Variants in DISP1 observed in about 807,000 individuals in gnomAD.
DISP1 encodes the protein protein dispatched homolog 1.
In DISP1, 30 loss-of-function variants were observed where a neutral mutation model predicts 37.3. The observed-to-expected ratio is 0.80, with a 90% CI of 0.60 to 1.09. DISP1 has a LOEUF of 1.09. DISP1 is among the 50% of genes least tolerant of loss of function. The probability of loss-of-function intolerance (pLI) is 0.00; values close to 1 mark genes in which losing one functional copy is unlikely to be tolerated. For synonymous variants in DISP1, 634 were observed against 690.2 expected (o/e 0.92, Z 1.28); for missense variants, 1,598 against 1,879.5 (o/e 0.85, Z 2.77).
intron 1 of DISP1, among the ~76,000 whole-genome samples, chr1:222,927,806 G>C (rs1431573006): frequency 6.6e-6 from 1 of 152,106 alleles, no homozygotes; most frequent in Non-Finnish European, 1.5e-5. Context: ...CATCATGAGG[G>C]CCATATGTTT....
intron 3 of DISP1, among the ~76,000 whole-genome samples, chr1:222,977,059 C>T (rs576214462): frequency 1.3e-5 from 2 of 152,094 alleles, no homozygotes; most frequent in Non-Finnish European, 2.9e-5. Flanking sequence ...GACGGAGTTT[C>T]GCTCTTATTG....
At chr1:222,909,918 A>G (rs991183959) in intron 1 of DISP1, among the ~76,000 whole-genome samples, 2 of 152,052 alleles carry the variant, frequency 1.3e-5, no homozygotes, top group African/African-American at 4.8e-5. Flanking sequence ...AGACACTAAA[A>G]CGTTAGCTGC....
rs766247722 is a variant in DISP1, at chr1:223,005,411, G to A, written c.4014G>A (p.Leu1338=). ...CGCACATCCACCACTGTCCCTGCCTGCAGGGCAGAGTAAAGCCAGCCGGAA... is the reference window on the plus strand; with the variant it reads ...CGCACATCCACCACTGTCCCTGCCTACAGGGCAGAGTAAAGCCAGCCGGAA... ...PITHIHHCPC[L]QGRVKPAGMQ... is the part of the protein sequence containing the mutation. Residue 1338 remains leucine (L), a synonymous_variant, in exon 9 of 9, where the codon CTG becomes CTA. Coordinates refer to ENST00000675850, the MANE Select transcript of DISP1 (RefSeq NM_001377229.1). 1 of 1,613,600 alleles carries A rather than the reference G, an allele frequency of 6.2e-7. No homozygotes were observed. Among genetic ancestry groups the A allele is most frequent in the Non-Finnish European group, 8.5e-7 (1 of 1,180,042 alleles).
chr1:222,851,426 C>T (rs1330201857), intron 1 of DISP1, among the ~76,000 whole-genome samples: 1 of 152,140 alleles, frequency 6.6e-6, no homozygotes, highest in African/African-American at 2.4e-5. Context: ...GAGGACTTCA[C>T]TAATTTTATG....
At position 223,005,044 on chromosome 1, in the gene DISP1, G is replaced by A. The variant is rs969380585; in HGVS notation, c.3647G>A (p.Cys1216Tyr). The A allele has an allele frequency of 6.2e-7, 1 of 1,614,162 alleles. No homozygotes were observed. The highest frequency in any genetic ancestry group is 8.5e-7 in the Non-Finnish European group (1 of 1,180,044). ...EKTTYEETHI[C>Y]SEFFNSQAKN... ...ACCACTTATGAAGAGACCCACATCT[G>A]CTCTGAATTTTTCAACAGCCAAGCA... Residue 1216 changes from cysteine (C) to tyrosine (Y), a missense_variant, in exon 9 of 9, where the codon TGC (cysteine) becomes TAC (tyrosine). Transcript: ENST00000675850.
chr1:222,984,236 G>A, intron 4 of DISP1, among the ~76,000 whole-genome samples: 1 of 151,416 alleles, frequency 6.6e-6, no homozygotes, highest in East Asian at 1.9e-4. Flanking sequence ...GGACACCTGT[G>A]TCTACAAAAA....
chr1:222,985,255 T>G (rs1678182361), intron 4 of DISP1, among the ~76,000 whole-genome samples: 1 of 152,266 alleles, frequency 6.6e-6, no homozygotes, highest in African/African-American at 2.4e-5. Flanking sequence ...TAAATATAAC[T>G]TCTTCAACAA....
chr1:222,859,134 T>C (rs568996748), intron 1 of DISP1, among the ~76,000 whole-genome samples: 11 of 152,320 alleles, frequency 7.2e-5, no homozygotes, highest in African/African-American at 2.2e-4. Flanking sequence ...ATATACACCA[T>C]GGAATACTAT....
chr1:222,938,056 T>C (rs1438237643), intron 2 of DISP1, among the ~76,000 whole-genome samples: 4 of 152,182 alleles, frequency 2.6e-5, no homozygotes, highest in Non-Finnish European at 4.4e-5. Context: ...AAATTGTTTT[T>C]AGAGACAAGG....
intron 1 of DISP1, among the ~76,000 whole-genome samples, chr1:222,828,036 G>C (rs61839588): frequency 0.11 from 17,157 of 152,194 alleles, 1,266 homozygotes; most frequent in South Asian, 0.16. Flanking sequence ...ATCTTTGTTT[G>C]AAGACTGTAC....
chr1:222,887,103 C>T (rs1387568410), intron 1 of DISP1, among the ~76,000 whole-genome samples: 1 of 152,156 alleles, frequency 6.6e-6, no homozygotes, highest in Non-Finnish European at 1.5e-5. Flanking sequence ...GAAAAATAAT[C>T]ACAGAAGCTG....
Position 222,914,196 on chromosome 1 carries a change from T to C in DISP1, c.-158-14234T>C, listed in dbSNP as rs545290754. ...ATAAAAACTCCTTTAGGGAGACTTA[T>C]GCAAATACTCAGTTGGACTTTTCAA... is the stretch of plus-strand genomic sequence containing the variant. On this transcript the variant is annotated intron_variant, in intron 1 of 8. Coordinates refer to ENST00000675850, the MANE Select transcript of DISP1 (RefSeq NM_001377229.1). 3.3e-5 allele frequency among the ~76,000 whole-genome samples: 5 copies of C among 152,266 alleles called. No individual in the cohort carries two copies. The East Asian group carries it at 7.7e-4, about 24-fold the overall frequency.
chr1:222,857,361 A>T (rs2125320181), intron 1 of DISP1, among the ~76,000 whole-genome samples: 1 of 152,332 alleles, frequency 6.6e-6, no homozygotes, highest in South Asian at 2.1e-4. Context: ...TTCCCCTTGA[A>T]ATCTGGCACA....
Position 223,003,738 on chromosome 1 carries a change from G to A in DISP1, c.2341G>A (p.Glu781Lys), listed in dbSNP as rs545584717. ...CATGTTTGAACGTGTTCACCATGGC[G>A]AGGAGCTCCACATGCCCATCACAGT... ...LFMFERVHHG[E>K]ELHMPITVIW... The change falls in exon 9 of 9, where the codon GAG becomes AAG. Residue 781 changes from glutamate to lysine, a missense_variant. By Grantham distance (56) the Glu-to-Lys change is moderately conservative (BLOSUM62 1). Transcript: ENST00000675850. The surrounding 1 kb of genome is among the most constrained non-coding windows in gnomAD (Gnocchi z 4.3). 4.6e-5 allele frequency: 75 copies of A among 1,614,134 alleles called. No homozygotes were observed. Among genetic ancestry groups the A allele is most frequent in the Non-Finnish European group, 5.6e-5 (66 of 1,180,034 alleles).
chr1:222,983,725 C>G (rs377587531), intron 4 of DISP1, among the ~76,000 whole-genome samples: 3 of 152,208 alleles, frequency 2.0e-5, no homozygotes, highest in South Asian at 4.1e-4. Context: ...GTTCTGCCAA[C>G]TACCATGACT....
intron 1 of DISP1, chr1:222,837,257 A>G (rs78908212): frequency 1.5e-5 from 6 of 391,382 alleles, no homozygotes; most frequent in Non-Finnish European, 2.7e-5. Flanking sequence ...ATGGACGCCA[A>G]TTGATGAAGA....
chr1:222,865,838 G>A (rs1669155665), intron 1 of DISP1, among the ~76,000 whole-genome samples: 1 of 152,062 alleles, frequency 6.6e-6, no homozygotes, highest in Non-Finnish European at 1.5e-5. Context: ...TATAAGAGGC[G>A]GGTATATTTG....
At chr1:222,894,198 A>G (rs1671105242) in intron 1 of DISP1, among the ~76,000 whole-genome samples, 1 of 152,306 alleles carries the variant, frequency 6.6e-6, no homozygotes, top group African/African-American at 2.4e-5. Flanking sequence ...TAGAACTGAC[A>G]GCCCGGTCCC....
chr1:222,855,557 T>C (rs1308762356), intron 1 of DISP1, among the ~76,000 whole-genome samples: 1 of 152,184 alleles, frequency 6.6e-6, no homozygotes, highest in Non-Finnish European at 1.5e-5. Flanking sequence ...GATACAGCTA[T>C]GCCACCATAC....
Sources: gnomAD v4.1 joint callset for allele counts (sites outside exome capture counted in the v4.1 genomes callset) on GRCh38, gnomAD v4.1.1 for gene constraint, Gnocchi (gnomAD v3.1) non-coding constraint, MANE v1.5 for transcripts, NCBI Gene and HGNC (gene_info 2026-07-23, HGNC 2026-07-21) for gene names.